SH3RF3: variants seen among roughly 807,000 people sequenced by gnomAD.
The protein encoded by SH3RF3 is E3 ubiquitin-protein ligase SH3RF3.
In SH3RF3, 29 loss-of-function variants were observed where a neutral mutation model predicts 66.3. That is an observed-to-expected ratio of 0.44 (90% CI 0.33 to 0.60). The LOEUF (loss-of-function observed/expected upper bound fraction) is 0.60. SH3RF3 is among the 20% of genes least tolerant of loss of function. The pLI, the probability that SH3RF3 is intolerant of heterozygous loss-of-function variation, is 0.04. For synonymous variants in SH3RF3, 583 were observed against 532.0 expected (o/e 1.10, Z -1.32); for missense variants, 1,194 against 1,190.9 (o/e 1.00, Z -0.04).
chr2:109,475,426 C>T (rs1398847978), intron 8 of SH3RF3, among the ~76,000 whole-genome samples: 4 of 152,228 alleles, frequency 2.6e-5, no homozygotes, highest in African/African-American at 9.6e-5. Context: ...GAATTTAGTA[C>T]CTGCAGCTTC....
intron 1 of SH3RF3, among the ~76,000 whole-genome samples, chr2:109,149,852 CAG>C (rs1424205516): frequency 2.0e-5 from 3 of 152,166 alleles, no homozygotes; most frequent in Non-Finnish European, 4.4e-5. Flanking sequence ...ATTAAAATAC[CAG>C]GGGGTTCTTT....
At chr2:109,203,549 C>A (rs375696407) in intron 1 of SH3RF3, among the ~76,000 whole-genome samples, 1 of 152,160 alleles carries the variant, frequency 6.6e-6, no homozygotes, top group East Asian at 1.9e-4. Context: ...CATTTGGAGC[C>A]CTCTGGGACT....
intron 4 of SH3RF3, among the ~76,000 whole-genome samples, chr2:109,401,269 G>A (rs1038555812): frequency 6.6e-6 from 1 of 152,244 alleles, no homozygotes; most frequent in African/African-American, 2.4e-5. Flanking sequence ...GTCGAAAGTT[G>A]TGTTGTGAAA....
chr2:109,372,305 T>C (rs557294359), intron 3 of SH3RF3, among the ~76,000 whole-genome samples: 19 of 152,278 alleles, frequency 1.2e-4, no homozygotes, highest in African/African-American at 4.6e-4. Flanking sequence ...TTAACACGTG[T>C]GTCTTTAAAA....
chr2:109,436,968 A>G lies in SH3RF3; in HGVS notation c.1650A>G (p.Thr550=). ...CTCCACTGGCCAAAGGGATAACCAC[A>G]ACCATGCACCCAGGCAGTGGGAGTC... is the stretch of plus-strand genomic sequence containing the variant. ...GGSPLAKGIT[T]TMHPGSGSLS... The change falls in exon 7 of 10, where the codon ACA becomes ACG. Residue 550 remains threonine (T), a synonymous_variant. Transcript: ENST00000309415. The G allele has an allele frequency of 6.2e-7, 1 of 1,613,874 alleles. No homozygotes were observed. Among genetic ancestry groups the G allele is most frequent in the South Asian group, 1.1e-5 (1 of 91,086 alleles).
intron 3 of SH3RF3, among the ~76,000 whole-genome samples, chr2:109,375,284 C>T (rs998757596): frequency 2.6e-5 from 4 of 152,232 alleles, no homozygotes; most frequent in Admixed American, 1.3e-4. Flanking sequence ...TTGTCCTTTT[C>T]GCCCATCGTT....
chr2:109,469,286 A>C (rs1008144834), intron 8 of SH3RF3, among the ~76,000 whole-genome samples: 2 of 152,200 alleles, frequency 1.3e-5, no homozygotes, highest in Non-Finnish European at 2.9e-5. Flanking sequence ...CCCTAAAGAC[A>C]CCACCTCACT....
chr2:109,395,212 G>T (rs533158243), intron 3 of SH3RF3, among the ~76,000 whole-genome samples: 1 of 152,366 alleles, frequency 6.6e-6, no homozygotes, highest in South Asian at 2.1e-4. Context: ...CTGGTCCCCA[G>T]TGGTGGGTGG....
chr2:109,252,566 C>T (rs772109793), intron 1 of SH3RF3, among the ~76,000 whole-genome samples: 13 of 152,122 alleles, frequency 8.5e-5, no homozygotes, highest in Non-Finnish European at 1.9e-4. Context: ...TTCAGGCAAA[C>T]TAGAATGACA....
chr2:109,282,171 A>G (rs569175517), intron 1 of SH3RF3, among the ~76,000 whole-genome samples: 4 of 152,006 alleles, frequency 2.6e-5, no homozygotes, highest in East Asian at 3.9e-4. Context: ...GATAGCAGCT[A>G]TTTTTCTTTT....
chr2:109,141,331 AGCCTCTCGTCTCTGCCTGGGTCCCTCTT>A (rs1158068055), intron 1 of SH3RF3, among the ~76,000 whole-genome samples: 1 of 152,148 alleles, frequency 6.6e-6, no homozygotes, highest in African/African-American at 2.4e-5. Flanking sequence ...TTCTGGAGGC[AGCCTCTCGTCTCTGCCTGGGTCCCTCTT>A]CCTCCAACTT....
chr2:109,329,386 C>G lies in SH3RF3; in HGVS notation c.574-18288C>G, dbSNP rs563987799. The stretch of plus-strand genomic sequence containing the variant: ...AGGAAAAAGTCAAGCCCCAAAGAAT[C>G]AAGTGGACCTGCAGGTGGGGTTATT... On this transcript the variant is annotated intron_variant, in intron 1 of 9. Transcript: ENST00000309415. Among the ~76,000 whole-genome samples the G allele has an allele frequency of 2.0e-5, 3 of 152,366 alleles. No homozygotes were observed. In the South Asian group the frequency reaches 6.2e-4, roughly 32 times the overall value.
At chr2:109,366,102 C>T (rs1683146580) in intron 2 of SH3RF3, among the ~76,000 whole-genome samples, 1 of 152,042 alleles carries the variant, frequency 6.6e-6, no homozygotes, top group Non-Finnish European at 1.5e-5. Context: ...AAAAGTGTTC[C>T]ACCTCTTCTA....
At chr2:109,189,969 G>C (rs1413494201) in intron 1 of SH3RF3, among the ~76,000 whole-genome samples, 5 of 152,182 alleles carry the variant, frequency 3.3e-5, no homozygotes, top group Non-Finnish European at 5.9e-5. Context: ...TGTTCCCCTG[G>C]TGTTTCTCTA....
rs545153788 is a variant in SH3RF3, at chr2:109,406,133, C to T, written c.1299+7190C>T. 8.5e-5 allele frequency among the ~76,000 whole-genome samples: 13 copies of T among 152,248 alleles called. No homozygotes were observed. In the South Asian group the frequency reaches 2.3e-3, roughly 27 times the overall value. On this transcript the variant is annotated intron_variant, in intron 4 of 9. Transcript: ENST00000309415. ...TGCACCCCTAGGGATTCTTCCTCTG[C>T]GACTGGGAGAGGTCAGAGGCTCAGC...
chr2:109,318,898 G>T (rs1334860946), intron 1 of SH3RF3, among the ~76,000 whole-genome samples: 2 of 152,252 alleles, frequency 1.3e-5, no homozygotes, highest in Non-Finnish European at 2.9e-5. Flanking sequence ...CTTGCCTCTG[G>T]TAGGTGAGCC....
At chr2:109,191,663 A>C (rs1303296757) in intron 1 of SH3RF3, among the ~76,000 whole-genome samples, 3 of 152,282 alleles carry the variant, frequency 2.0e-5, no homozygotes, top group South Asian at 2.1e-4. Flanking sequence ...CCACTTGCCC[A>C]TGGCAGTATA....
At chr2:109,179,173 C>T (rs191990501) in intron 1 of SH3RF3, among the ~76,000 whole-genome samples, 41 of 152,200 alleles carry the variant, frequency 2.7e-4, no homozygotes, top group African/African-American at 3.6e-4. Flanking sequence ...CAGAGAAATA[C>T]GTATCTTGCA....
At chr2:109,418,143 A>T (rs186266883) in intron 4 of SH3RF3, among the ~76,000 whole-genome samples, 38 of 152,214 alleles carry the variant, frequency 2.5e-4, no homozygotes, top group Admixed American at 2.4e-3. Context: ...AGGTACCTGC[A>T]GCCTGGCCCC....
Sources: gnomAD v4.1 joint callset for allele counts (sites outside exome capture counted in the v4.1 genomes callset) on GRCh38, gnomAD v4.1.1 for gene constraint, MANE v1.5 for transcripts, NCBI Gene and HGNC (gene_info 2026-07-23, HGNC 2026-07-21) for gene names.